ELAVL2: variants seen among roughly 807,000 people sequenced by gnomAD.
ELAVL2 encodes the protein ELAV like RNA binding protein 2, also known as ELAV-like protein 2.
A neutral mutation model predicts 34.6 loss-of-function variants in ELAVL2; 4 were observed. That is an observed-to-expected ratio of 0.12 (90% CI 0.06 to 0.26). The LOEUF (loss-of-function observed/expected upper bound fraction) is 0.26, where lower values mean the gene tolerates loss of function less well. Among genes scored for constraint, ELAVL2 ranks in the 10% least tolerant of loss-of-function variants. ELAVL2 has a pLI of 1.00. For synonymous variants in ELAVL2, 193 were observed against 154.8 expected (o/e 1.25, Z -1.83); for missense variants, 432 against 442.8 (o/e 0.98, Z 0.22).
At chr9:23,790,760 G>A (rs1044871591) in intron 1 of ELAVL2, among the ~76,000 whole-genome samples, 9 of 152,116 alleles carry the variant, frequency 5.9e-5, no homozygotes, top group African/African-American at 1.7e-4. Context: ...GTGATTTTCC[G>A]CATACCTCAT....
chr9:23,697,500 G>C (rs2035665050), intron 5 of ELAVL2, among the ~76,000 whole-genome samples: 1 of 152,084 alleles, frequency 6.6e-6, no homozygotes, highest in South Asian at 2.1e-4. Flanking sequence ...CCTTTTTTAT[G>C]TTTGATTAGA....
chr9:23,726,561 A>G (rs2045229780), intron 3 of ELAVL2, among the ~76,000 whole-genome samples: 1 of 152,010 alleles, frequency 6.6e-6, no homozygotes, highest in Non-Finnish European at 1.5e-5. Flanking sequence ...CAGTTTCAGG[A>G]AAAATAAAGC....
At chr9:23,780,914 T>A (rs2058970136) in intron 1 of ELAVL2, among the ~76,000 whole-genome samples, 1 of 152,094 alleles carries the variant, frequency 6.6e-6, no homozygotes, top group Admixed American at 6.6e-5. Flanking sequence ...AGAGAAGCAA[T>A]TATCTCATTC....
At chr9:23,803,215 CGTGAA>C (rs1444057482) in intron 1 of ELAVL2, among the ~76,000 whole-genome samples, 2 of 152,100 alleles carry the variant, frequency 1.3e-5, no homozygotes, top group Non-Finnish European at 2.9e-5. Flanking sequence ...AAGAAAAAAA[CGTGAA>C]TCATCTCAAC....
At chr9:23,722,999 A>AC (rs1051747968) in intron 3 of ELAVL2, among the ~76,000 whole-genome samples, 1 of 152,154 alleles carries the variant, frequency 6.6e-6, no homozygotes, top group Non-Finnish European at 1.5e-5. Context: ...GAAAAGCCCT[A>AC]CCCCACATTC....
At chr9:23,783,171 G>GT (rs2059285104) in intron 1 of ELAVL2, among the ~76,000 whole-genome samples, 1 of 148,886 alleles carries the variant, frequency 6.7e-6, no homozygotes, top group African/African-American at 2.5e-5. Flanking sequence ...CTCCGGAGGC[G>GT]TGAAGTCATC....
chr9:23,829,235 T>C (rs182812783), upstream of ELAVL2, among the ~76,000 whole-genome samples: 116 of 152,306 alleles, frequency 7.6e-4, no homozygotes, highest in Middle Eastern at 6.8e-3. Context: ...TGCAAAAGAA[T>C]AGTTCTCAAA....
chr9:23,803,832 T>C (rs1302185978), intron 1 of ELAVL2, among the ~76,000 whole-genome samples: 3 of 152,138 alleles, frequency 2.0e-5, no homozygotes, highest in African/African-American at 7.2e-5. Flanking sequence ...CTTTTCCCAA[T>C]GTTTGCAGCA....
intron 1 of ELAVL2, among the ~76,000 whole-genome samples, chr9:23,800,504 C>T (rs1407538799): frequency 1.3e-5 from 2 of 152,094 alleles, no homozygotes; most frequent in Middle Eastern, 3.2e-3. Flanking sequence ...AGCCCCCTTC[C>T]CTCTTATTCA....
At chr9:23,776,739 C>CAAAAAAAAAAAAAAAAAAAAAA (rs34583759) in intron 1 of ELAVL2, among the ~76,000 whole-genome samples, 1 of 77,712 alleles carries the variant, frequency 1.3e-5, no homozygotes, top group Non-Finnish European at 2.7e-5. Context: ...AGTTTGCTAT[C>CAAAAAAAAAAAAAAAAAAAAAA]AAAAAAAAAA....
At chr9:23,705,623 G>T (rs1311921413) in intron 3 of ELAVL2, among the ~76,000 whole-genome samples, 1 of 152,176 alleles carries the variant, frequency 6.6e-6, no homozygotes, top group South Asian at 2.1e-4. Context: ...TTTTTCCATG[G>T]ACCATGGTGG....
At chr9:23,772,824 A>T (rs966292029) in intron 1 of ELAVL2, among the ~76,000 whole-genome samples, 1 of 152,170 alleles carries the variant, frequency 6.6e-6, no homozygotes, top group Non-Finnish European at 1.5e-5. Context: ...CAAGACATGT[A>T]TACTTGTGAT....
intron 1 of ELAVL2, among the ~76,000 whole-genome samples, chr9:23,795,077 C>T (rs745660128): frequency 6.6e-6 from 1 of 152,116 alleles, no homozygotes; most frequent in Admixed American, 6.5e-5. Context: ...AATATTACTG[C>T]TCTTCAGACA....
chr9:23,772,510 T>A (rs372424385), intron 1 of ELAVL2, among the ~76,000 whole-genome samples: 8 of 144,204 alleles, frequency 5.5e-5, no homozygotes, highest in South Asian at 2.2e-4. Flanking sequence ...AATGCTACAC[T>A]GTTTAACCTC....
chr9:23,753,297 A>G (rs1354708659), intron 2 of ELAVL2, among the ~76,000 whole-genome samples: 2 of 152,212 alleles, frequency 1.3e-5, no homozygotes, highest in Non-Finnish European at 2.9e-5. Flanking sequence ...GCTCAAAAGA[A>G]GTTGGCAAAT....
At chr9:23,740,796 C>A (rs1374444142) in intron 2 of ELAVL2, among the ~76,000 whole-genome samples, 1 of 152,188 alleles carries the variant, frequency 6.6e-6, no homozygotes, top group African/African-American at 2.4e-5. Flanking sequence ...CCTTGATTTA[C>A]ATACTCCTTT....
At chr9:23,751,665 A>G (rs763868469) in intron 2 of ELAVL2, among the ~76,000 whole-genome samples, 1 of 152,172 alleles carries the variant, frequency 6.6e-6, no homozygotes, top group Non-Finnish European at 1.5e-5. Context: ...TGTCAATAAA[A>G]GTAAAAATAA....
Position 23,692,182 on chromosome 9 carries a change from C to T in ELAVL2, c.*375G>A, listed in dbSNP as rs1423667049. The T allele has an allele frequency of 5.9e-6, 1 of 168,826 alleles. No individual in the cohort carries two copies. The highest frequency in any genetic ancestry group is 1.3e-5 in the Non-Finnish European group (1 of 78,628). The allele number at this position is 168,826 out of a possible 1,614,324, so 10.5% of individuals were successfully genotyped here. On this transcript the variant is annotated 3_prime_UTR_variant, in exon 7 of 7. Transcript: ENST00000397312. ...AAAAGGGGGGAAAAAAAAGACACAA[C>T]CAACTGAAGAATTACAACACAAAGC...
chr9:23,699,084 G>C (rs1340147428), intron 5 of ELAVL2, among the ~76,000 whole-genome samples: 2 of 152,112 alleles, frequency 1.3e-5, no homozygotes, highest in Non-Finnish European at 2.9e-5. Context: ...GAAGGAAAAA[G>C]AATTTTCAAG....
Sources: gnomAD v4.1 joint callset for allele counts (sites outside exome capture counted in the v4.1 genomes callset) on GRCh38, gnomAD v4.1.1 for gene constraint, MANE v1.5 for transcripts, NCBI Gene and HGNC (gene_info 2026-07-23, HGNC 2026-07-21) for gene names.